The following PPFIA4 variants were observed in gnomAD, a reference collection of about 807,000 sequenced individuals.
PPFIA4 encodes liprin-alpha-4.
A neutral mutation model predicts 145.7 loss-of-function variants in PPFIA4; 98 were observed. The ratio of observed to expected loss-of-function variants is 0.67; its 90% CI spans 0.57 to 0.80. The LOEUF is 0.80. PPFIA4 is among the 30% of genes least tolerant of loss of function. The pLI is 0.00. For synonymous variants in PPFIA4, 628 were observed against 649.6 expected (o/e 0.97, Z 0.51); for missense variants, 1,457 against 1,632.7 (o/e 0.89, Z 1.85).
chr1:203,068,436 C>T lies in PPFIA4; in HGVS notation c.3149-17C>T. 1 of 1,577,230 alleles carries T rather than the reference C, an allele frequency of 6.3e-7. No homozygotes were observed. Among genetic ancestry groups the T allele is most frequent in the East Asian group, 2.3e-5 (1 of 42,672 alleles). ...CGTAGTATCTCCTTCCGTCCCTTTT[C>T]TTCCCCCACACTCCAGATGTGTTAG... On this transcript the variant is annotated splice_polypyrimidine_tract_variant and intron_variant, in intron 26 of 29. Coordinates refer to ENST00000295706, the MANE Select transcript of PPFIA4 (RefSeq NM_001304331.2). This position sits in a 1 kb window ranked among gnomAD's most constrained non-coding sequence, Gnocchi z 4.7.
In PPFIA4 at chr1:203,044,724, T is replaced by G. The variant is rs999139378; in HGVS notation, c.605T>G (p.Val202Gly). The change falls in exon 6 of 30, where the codon GTG becomes GGG. Residue 202 changes from valine (V) to glycine (G), a missense_variant. By Grantham distance (109) the Val-to-Gly change is moderately radical. Around this residue, in one of 3 missense-constraint regions of PPFIA4, gnomAD observed 463 missense variants for 459.8 expected, o/e 1.01. Transcript: ENST00000295706. ...TCTGCCCTGCAGCAGGGGGCAGGGG[T>G]GCGGGATGGAGCGGCAGAAGAGGAG... ...QVSALQQGAG[V>G]RDGAAEEEGT... is the part of the protein sequence containing the mutation. The G allele has an allele frequency of 4.5e-6, 7 of 1,561,812 alleles. No individual in the cohort carries two copies. Among genetic ancestry groups the G allele is most frequent in the Admixed American group, 3.8e-5 (2 of 52,016 alleles).
chr1:203,045,342 C>A (rs773567788), intron 6 of PPFIA4, 26 bp from the exon 7 acceptor site: 2 of 1,532,612 alleles, frequency 1.3e-6, no homozygotes, highest in Admixed American at 4.0e-5. Flanking sequence ...CTGTGACTCA[C>A]AGAGCTACTG....
rs759878176 is a variant in PPFIA4 at position 203,039,049 on chromosome 1, TG to T, written c.44del (p.Gly15ValfsTer15). 26 of 1,579,750 alleles carry T rather than the reference TG, an allele frequency of 1.6e-5. No homozygotes were observed. The highest frequency in any genetic ancestry group is 2.1e-5 in the Non-Finnish European group (24 of 1,158,016). On this transcript the variant is annotated frameshift_variant, in exon 2 of 30. Coordinates refer to ENST00000295706, the MANE Select transcript of PPFIA4 (RefSeq NM_001304331.2). LOFTEE classifies it high-confidence loss of function. ...VMPTINEGDR[L>X]GPPHGADADA... ...CCCACAATCAATGAGGGGGACCGCCTGGGTCCCCCTCATGGCGCCGATGCTG... is the reference window on the plus strand; with the variant it reads ...CCCACAATCAATGAGGGGGACCGCCTGGTCCCCCTCATGGCGCCGATGCTG...
chr1:203,050,290 A>G (rs114764244), intron 13 of PPFIA4, among the ~76,000 whole-genome samples: 215 of 152,310 alleles, frequency 1.4e-3, no homozygotes, highest in African/African-American at 5.0e-3. Flanking sequence ...AACCATTGTG[A>G]GAGATGGAGC....
intron 13 of PPFIA4, among the ~76,000 whole-genome samples, chr1:203,051,020 T>C (rs962280523): frequency 1.3e-5 from 2 of 151,922 alleles, no homozygotes; most frequent in African/African-American, 4.8e-5. Flanking sequence ...CCTCGTATGG[T>C]CTGTTGTAGG....
chr1:203,051,843 G>A lies in PPFIA4; in HGVS notation c.1586G>A (p.Arg529His), dbSNP rs574258616. Residue 529 changes from arginine (R) to histidine (H), a missense_variant, in exon 14 of 30, where the codon CGC becomes CAC. By Grantham distance (29) the Arg-to-His change is conservative. This residue lies in a region of PPFIA4 where 848 missense variants were observed against 1,046.7 expected (regional missense o/e 0.81). Coordinates refer to ENST00000295706, the MANE Select transcript of PPFIA4 (RefSeq NM_001304331.2). ...TTTHAPPGVH[R>H]RYSALREESA... ...ACACACGCACCCCCAGGCGTGCATCGCCGCTACTCGGCATTGAGGGAAGAG... is the reference window on the plus strand; with the variant it reads ...ACACACGCACCCCCAGGCGTGCATCACCGCTACTCGGCATTGAGGGAAGAG... 5 of 1,613,582 alleles carry A rather than the reference G, an allele frequency of 3.1e-6. No homozygotes were observed. Among genetic ancestry groups the A allele is most frequent in the Non-Finnish European group, 2.5e-6 (3 of 1,179,756 alleles).
At chr1:203,057,337 T>C (rs1162512095) in intron 19 of PPFIA4, among the ~76,000 whole-genome samples, 1 of 152,262 alleles carries the variant, frequency 6.6e-6, no homozygotes, top group Non-Finnish European at 1.5e-5. Flanking sequence ...CAGTTCTTGA[T>C]TGGAACTTAT....
rs551211732 is a variant in PPFIA4 at position 203,055,707 on chromosome 1, T to G, written c.2070+35T>G. ...AGCTGAGGAGCAGGCCTGGCATCAC[T>G]GGACCCTGCACCGGGGGAGGTTTTA... On this transcript the variant is annotated intron_variant, in intron 16 of 29. Transcript: ENST00000295706. This position sits in a 1 kb window ranked among gnomAD's most constrained non-coding sequence, Gnocchi z 4.8. The G allele has an allele frequency of 4.3e-6, 7 of 1,610,002 alleles. No individual in the cohort carries two copies. The South Asian group carries it at 7.7e-5, about 18-fold the overall frequency.
chr1:203,045,818 C>G, intron 7 of PPFIA4, 23 bp from the exon 8 acceptor site: 1 of 1,612,768 alleles, frequency 6.2e-7, no homozygotes. Context: ...GGTTACCGTC[C>G]TTCTTGTCCC....
chr1:203,049,569 C>G, intron 12 of PPFIA4, 107 bp from the exon 13 acceptor site: 1 of 999,242 alleles, frequency 1.0e-6, no homozygotes, highest in South Asian at 2.1e-5. Context: ...CATTCTTCAG[C>G]TTCTCCCCAA....
At chr1:203,076,101 CG>C (rs1662522364) in intron 29 of PPFIA4, 5 of 599,474 alleles carry the variant, frequency 8.3e-6, no homozygotes, top group Admixed American at 3.1e-5. Context: ...CCCGGGGACG[CG>C]GGCACCTTGC....
Position 203,075,790 on chromosome 1 carries a change from C to T in PPFIA4, c.3574+33C>T, listed in dbSNP as rs542881192. On this transcript the variant is annotated intron_variant, in intron 29 of 29. Transcript: ENST00000295706. The surrounding 1 kb of genome is among the most constrained non-coding windows in gnomAD (Gnocchi z 4.1). Reference sequence around the variant, plus strand: ...ACAGGCGGGCTGGGCATGGCCGAGGCCCAGCCGAGCGCGGGCTTCTTCCTG... The same window carrying T: ...ACAGGCGGGCTGGGCATGGCCGAGGTCCAGCCGAGCGCGGGCTTCTTCCTG... The T allele has an allele frequency of 3.0e-6, 4 of 1,350,556 alleles. No homozygotes were observed. In the Admixed American group the frequency reaches 1.6e-4, roughly 53 times the overall value. 83.7% of individuals were successfully genotyped at this position (1,350,556 alleles called of 1,614,324 possible).
intron 2 of PPFIA4, among the ~76,000 whole-genome samples, chr1:203,042,346 G>A (rs892658133): frequency 8.5e-5 from 13 of 152,198 alleles, no homozygotes; most frequent in Admixed American, 2.6e-4. Context: ...GTGTGGAAAT[G>A]GGCCCCTCTA....
In PPFIA4 at chr1:203,075,599, G is replaced by C; in HGVS notation, c.3416G>C (p.Arg1139Pro). ...LDDGDDKVFRRAPSWRKRFRP... is the reference protein window; with the variant it reads ...LDDGDDKVFRPAPSWRKRFRP... ...CAGGGGGATGACAAGGTGTTTCGCC[G>C]CGCGCCCTCCTGGAGGAAGCGCTTC... is the stretch of plus-strand genomic sequence containing the variant. The change falls in exon 29 of 30, where the codon CGC becomes CCC. Residue 1139 changes from arginine (R) to proline (P), a missense_variant. By Grantham distance (103) the Arg-to-Pro change is moderately radical (BLOSUM62 -2). Coordinates refer to ENST00000295706, the MANE Select transcript of PPFIA4 (RefSeq NM_001304331.2). The surrounding 1 kb of genome is among the most constrained non-coding windows in gnomAD (Gnocchi z 4.1). 1 of 1,462,462 alleles carries C rather than the reference G, an allele frequency of 6.8e-7. No individual in the cohort carries two copies. The highest frequency in any genetic ancestry group is 9.1e-7 in the Non-Finnish European group (1 of 1,104,118). 90.6% of individuals were successfully genotyped at this position (1,462,462 alleles called of 1,614,324 possible).
chr1:203,075,523 G>T lies in PPFIA4; in HGVS notation c.3394-54G>T. 1.5e-6 allele frequency: 2 copies of T among 1,340,772 alleles called. No individual in the cohort carries two copies. The highest frequency in any genetic ancestry group is 4.1e-5 in the South Asian group (2 of 48,344). 83.1% of individuals were successfully genotyped at this position (1,340,772 alleles called of 1,614,324 possible). ...GACTGGCCCCCTCCAGGCAGGGCGT[G>T]AGGATGGCAATTCCAACAGGGCCCT... On this transcript the variant is annotated intron_variant, in intron 28 of 29. Coordinates refer to ENST00000295706, the MANE Select transcript of PPFIA4 (RefSeq NM_001304331.2). The surrounding 1 kb of genome is among the most constrained non-coding windows in gnomAD (Gnocchi z 4.1).
chr1:203,036,224 A>G (rs986935413), intron 1 of PPFIA4, among the ~76,000 whole-genome samples: 5 of 152,168 alleles, frequency 3.3e-5, no homozygotes, highest in African/African-American at 1.2e-4. Context: ...CTGCCCAGCC[A>G]TGATCTCATC....
chr1:203,053,670 T>A (rs2102654960), intron 14 of PPFIA4, 83 bp from the exon 15 acceptor site: 3 of 1,161,732 alleles, frequency 2.6e-6, no homozygotes, highest in South Asian at 2.7e-5. Flanking sequence ...ATGCCAGTGC[T>A]GGTGGGTAGA....
intron 2 of PPFIA4, 140 bp downstream of exon 2, chr1:203,039,382 C>G (rs545115639): frequency 1.5e-6 from 1 of 646,354 alleles, no homozygotes; most frequent in South Asian, 2.2e-5. Flanking sequence ...CTTCATCTCT[C>G]TACGTGAATT....
At chr1:203,057,428 G>A (rs1361094969) in intron 19 of PPFIA4, among the ~76,000 whole-genome samples, 1 of 152,334 alleles carries the variant, frequency 6.6e-6, no homozygotes. Context: ...TCAAGGAAGA[G>A]CTTAGGCAAG....
Sources: allele counts gnomAD v4.1 joint callset (sites outside exome capture counted in the v4.1 genomes callset), GRCh38; gene constraint gnomAD v4.1.1; regional missense constraint gnomAD v4.1.1; non-coding constraint Gnocchi (gnomAD v3.1); transcripts MANE v1.5; gene names NCBI Gene and HGNC (gene_info 2026-07-23, HGNC 2026-07-21).